Variants in EPB41L4A observed in about 807,000 individuals in gnomAD.
The protein encoded by EPB41L4A is erythrocyte membrane protein band 4.1 like 4A, also known as band 4.1-like protein 4A.
A neutral mutation model predicts 108.6 loss-of-function variants in EPB41L4A; 100 were observed. That is an observed-to-expected ratio of 0.92 (90% CI 0.78 to 1.09). The LOEUF (loss-of-function observed/expected upper bound fraction) is 1.09, where lower values mean the gene tolerates loss of function less well. Ranked by LOEUF, EPB41L4A falls within the 50% of genes least tolerant of loss-of-function variation. The pLI, the probability that EPB41L4A is intolerant of heterozygous loss-of-function variation, is 0.00. For synonymous variants in EPB41L4A, 319 were observed against 289.0 expected (o/e 1.10, Z -1.05); for missense variants, 1,030 against 842.7 (o/e 1.22, Z -2.75).
At chr5:112,184,195 A>T in intron 17 of EPB41L4A, 60 bp from the exon 18 acceptor site, 1 of 1,573,684 alleles carries the variant, frequency 6.4e-7, no homozygotes, top group Non-Finnish European at 8.6e-7. Flanking sequence ...TTTTAGGTTC[A>T]TCCTAAACTT....
At chr5:112,405,112 G>C (rs1320928007) in intron 1 of EPB41L4A, among the ~76,000 whole-genome samples, 2 of 152,206 alleles carry the variant, frequency 1.3e-5, no homozygotes, top group Non-Finnish European at 2.9e-5. Flanking sequence ...TGTTATAAAA[G>C]ACTGTGGCTT....
Position 112,240,711 on chromosome 5 carries a change from C to T in EPB41L4A, c.887+8G>A. Reference sequence around the variant, plus strand: ...AAGACAACAAACAAAATTTTTACATCAATTTACCTAAAAAATGTATGATGT... The same window carrying T: ...AAGACAACAAACAAAATTTTTACATTAATTTACCTAAAAAATGTATGATGT... On this transcript the variant is annotated splice_region_variant and intron_variant, in intron 10 of 22. Transcript: ENST00000261486. 1 of 1,494,952 alleles carries T rather than the reference C, an allele frequency of 6.7e-7. No homozygotes were observed. The highest frequency in any genetic ancestry group is 9.0e-7 in the Non-Finnish European group (1 of 1,117,090). 92.6% of individuals were successfully genotyped at this position (1,494,952 alleles called of 1,614,324 possible). A position where few individuals can be genotyped will look rare whatever the true frequency, so the allele number is the denominator to read the frequency against.
At chr5:112,314,561 A>ATGG (rs1287458605) in intron 1 of EPB41L4A, among the ~76,000 whole-genome samples, 1 of 142,166 alleles carries the variant, frequency 7.0e-6, no homozygotes, top group African/African-American at 2.5e-5. Context: ...GCCAAGCATG[A>ATGG]TGGCAGGCGC....
In EPB41L4A at chr5:112,168,834, G is replaced by A. The variant is rs1192531428; in HGVS notation, c.1851-14C>T. On this transcript the variant is annotated splice_polypyrimidine_tract_variant and intron_variant, in intron 21 of 22. Coordinates refer to ENST00000261486, the MANE Select transcript of EPB41L4A (RefSeq NM_022140.5). ...TCTGTTTTTGAACTGCAGAGAATGA[G>A]TTTTAGAATTAGTGACTGGAACAGT... 5 of 1,607,490 alleles carry A rather than the reference G, an allele frequency of 3.1e-6. No homozygotes were observed. Among genetic ancestry groups the A allele is most frequent in the Admixed American group, 3.3e-5 (2 of 59,980 alleles).
At chr5:112,252,995 G>A (rs1750800124) in intron 9 of EPB41L4A, among the ~76,000 whole-genome samples, 1 of 152,164 alleles carries the variant, frequency 6.6e-6, no homozygotes, top group South Asian at 2.1e-4. Flanking sequence ...TGTGGAGGGA[G>A]TACAGAGCTA....
chr5:112,296,100 G>A (rs1325319508), intron 2 of EPB41L4A, among the ~76,000 whole-genome samples: 1 of 152,158 alleles, frequency 6.6e-6, no homozygotes, highest in African/African-American at 2.4e-5. Context: ...TTATGTTGGA[G>A]ACTTTCCATA....
At position 112,280,276 on chromosome 5, in the gene EPB41L4A, G is replaced by T. The variant is rs1357854825; in HGVS notation, c.252C>A (p.Ile84=). 6.2e-7 allele frequency: 1 copy of T among 1,613,672 alleles called. No homozygotes were observed. The highest frequency in any genetic ancestry group is 2.2e-5 in the East Asian group (1 of 44,866). Residue 84 remains isoleucine (I), a synonymous_variant, in exon 3 of 23, where the codon ATC becomes ATA. Coordinates refer to ENST00000261486, the MANE Select transcript of EPB41L4A (RefSeq NM_022140.5). ...AAGTAAAAGCTAAATACCTACTGTTGATCAGTTCTTTGTGTTCAGCAAGGG... is the reference window on the plus strand; with the variant it reads ...AAGTAAAAGCTAAATACCTACTGTTTATCAGTTCTTTGTGTTCAGCAAGGG... ...AKTLAEHKEL[I]NTGPPYTLYF...
At chr5:112,209,435 T>C (rs548538183) in intron 13 of EPB41L4A, among the ~76,000 whole-genome samples, 3 of 152,368 alleles carry the variant, frequency 2.0e-5, no homozygotes, top group South Asian at 4.1e-4. Context: ...TCTTCATACA[T>C]ATGCAATCAC....
chr5:112,235,803 G>A (rs1749287858), intron 11 of EPB41L4A, among the ~76,000 whole-genome samples: 2 of 152,160 alleles, frequency 1.3e-5, no homozygotes, highest in African/African-American at 4.8e-5. Context: ...GCTACCAGGG[G>A]AATAAAGATG....
intron 5 of EPB41L4A, among the ~76,000 whole-genome samples, chr5:112,265,854 T>C (rs917595863): frequency 1.3e-5 from 2 of 152,218 alleles, no homozygotes; most frequent in Admixed American, 1.3e-4. Flanking sequence ...CACCTGGCCA[T>C]GCAGACTCTT....
chr5:112,413,806 G>A lies in EPB41L4A; in HGVS notation c.99+5135C>T, dbSNP rs116751643. ...AACAATCTGGAATATTTGGGAAACC[G>A]TGAGCAGTTTCTGCATACCTAGAGG... On this transcript the variant is annotated intron_variant, in intron 1 of 22. Transcript: ENST00000261486. 9.3e-3 allele frequency among the ~76,000 whole-genome samples: 1,416 copies of A among 152,304 alleles called. 12 individuals carry two copies. Among genetic ancestry groups the A allele is most frequent in the Middle Eastern group, 0.031 (9 of 294 alleles).
chr5:112,322,677 G>A (rs1163920311), intron 1 of EPB41L4A, among the ~76,000 whole-genome samples: 2 of 150,980 alleles, frequency 1.3e-5, no homozygotes, highest in South Asian at 2.1e-4. Context: ...CCAGTTTGAC[G>A]GCTTATAGCC....
chr5:112,367,671 C>T (rs1759220055), intron 1 of EPB41L4A, among the ~76,000 whole-genome samples: 1 of 152,212 alleles, frequency 6.6e-6, no homozygotes. Flanking sequence ...ATTCACAAAT[C>T]CAACATGCTG....
chr5:112,313,854 CTTTCTTT>C (rs1755214239), intron 1 of EPB41L4A, among the ~76,000 whole-genome samples: 2 of 127,068 alleles, frequency 1.6e-5, no homozygotes, highest in Non-Finnish European at 3.3e-5. Flanking sequence ...AAAAAGGTAA[CTTTCTTT>C]TTTTTTTTTT....
chr5:112,279,658 G>A (rs1752842222), intron 3 of EPB41L4A, among the ~76,000 whole-genome samples: 1 of 151,978 alleles, frequency 6.6e-6, no homozygotes, highest in Non-Finnish European at 1.5e-5. Flanking sequence ...CGCACTTAAG[G>A]AGCCTCTGTT....
intron 1 of EPB41L4A, among the ~76,000 whole-genome samples, chr5:112,339,487 T>TATATAGATATATAG (rs1561585044): frequency 0.01 from 299 of 28,852 alleles, 1 homozygote; most frequent in African/African-American, 0.022. Context: ...TATATATATA[T>TATATAGATATATAG]ATATATATCT....
intron 1 of EPB41L4A, among the ~76,000 whole-genome samples, chr5:112,315,847 A>G (rs963423885): frequency 6.6e-6 from 1 of 152,160 alleles, no homozygotes; most frequent in Non-Finnish European, 1.5e-5. Context: ...TTGATATGAG[A>G]CAGTTAAGAA....
Position 112,210,000 on chromosome 5 carries a change from G to T in EPB41L4A, c.1088-18C>A. The T allele has an allele frequency of 7.1e-7, 1 of 1,398,978 alleles. No individual in the cohort carries two copies. The highest frequency in any genetic ancestry group is 1.0e-6 in the Non-Finnish European group (1 of 997,286). 86.7% of individuals were successfully genotyped at this position (1,398,978 alleles called of 1,614,324 possible). ...GTTTGATTCTAGCAGAGGAGGAGAA[G>T]GAAAGATGGAAGAGAGAGGAAACAG... On this transcript the variant is annotated intron_variant, in intron 12 of 22. Transcript: ENST00000261486.
At chr5:112,409,917 T>A (rs1045903676) in intron 1 of EPB41L4A, among the ~76,000 whole-genome samples, 23 of 152,204 alleles carry the variant, frequency 1.5e-4, no homozygotes, top group Non-Finnish European at 4.4e-5. Flanking sequence ...GAAGCCAGAT[T>A]TGTCTATGAC....
Sources: gnomAD v4.1 joint callset for allele counts (sites outside exome capture counted in the v4.1 genomes callset) on GRCh38, gnomAD v4.1.1 for gene constraint, MANE v1.5 for transcripts, NCBI Gene and HGNC (gene_info 2026-07-23, HGNC 2026-07-21) for gene names.